Variants in RXRA observed in about 807,000 individuals in gnomAD.
RXRA encodes retinoic acid receptor RXR-alpha.
Under a neutral mutation model 44.5 loss-of-function variants are expected in RXRA, and 5 were observed. The observed-to-expected ratio is 0.11, with a 90% CI of 0.06 to 0.24. RXRA has a LOEUF of 0.24. Ranked by LOEUF, RXRA falls within the 10% of genes least tolerant of loss-of-function variation. RXRA has a pLI of 1.00. For synonymous variants in RXRA, 291 were observed against 271.4 expected (o/e 1.07, Z -0.71); for missense variants, 412 against 646.5 (o/e 0.64, Z 3.93).
rs1470882965 is a variant in RXRA at position 134,366,238 on chromosome 9, A to G, written c.29-35394A>G. The stretch of plus-strand genomic sequence containing the variant: ...GTGTGGGGCCAGGGAGGGTGTCTTC[A>G]GCACAGGTGCCCGCTGGGTGGTCTC... On this transcript the variant is annotated intron_variant, in intron 1 of 9. Coordinates refer to ENST00000481739, the MANE Select transcript of RXRA (RefSeq NM_002957.6). The surrounding 1 kb of genome is among the most constrained non-coding windows in gnomAD (Gnocchi z 5.9). Among the ~76,000 whole-genome samples, 1 of 152,076 alleles carries G rather than the reference A, an allele frequency of 6.6e-6. No homozygotes were observed. Among genetic ancestry groups the G allele is most frequent in the Admixed American group, 6.6e-5 (1 of 15,264 alleles).
chr9:134,364,214 G>A (rs1018339106), intron 1 of RXRA, among the ~76,000 whole-genome samples: 3 of 152,246 alleles, frequency 2.0e-5, no homozygotes, highest in African/African-American at 7.2e-5. Flanking sequence ...TCACGTGTAA[G>A]GTCCAGGCAT....
At chr9:134,344,526 T>C (rs2119032973) in intron 1 of RXRA, among the ~76,000 whole-genome samples, 1 of 152,234 alleles carries the variant, frequency 6.6e-6, no homozygotes, top group Admixed American at 6.5e-5. Flanking sequence ...GTGGAGTCCT[T>C]GGTTCCTTTC....
chr9:134,432,037 G>GCCCCACCAGAGAAC, intron 8 of RXRA, 41 bp downstream of exon 8: 1 of 1,533,226 alleles, frequency 6.5e-7, no homozygotes, highest in Non-Finnish European at 9.0e-7. Context: ...CCCGTTCTCT[G>GCCCCACCAGAGAAC]GTGGGGCAGA....
chr9:134,420,146 G>A (rs1230136808), intron 5 of RXRA, among the ~76,000 whole-genome samples: 7 of 152,326 alleles, frequency 4.6e-5, no homozygotes, highest in South Asian at 4.1e-4. Flanking sequence ...CTGCAGACAC[G>A]GTGCTCGGGG....
intron 1 of RXRA, among the ~76,000 whole-genome samples, chr9:134,394,219 TGATCATAGTGATGGTGGTGGTGATGAC>T: frequency 2.1e-5 from 3 of 145,088 alleles, no homozygotes; most frequent in Non-Finnish European, 3.0e-5. Context: ...TGAGTGATGG[TGATCATAGTGATGGTGGTGGTGATGAC>T]GGTGGTGATG....
At chr9:134,346,073 A>G (rs1243459378) in intron 1 of RXRA, among the ~76,000 whole-genome samples, 4 of 152,120 alleles carry the variant, frequency 2.6e-5, no homozygotes, top group Non-Finnish European at 4.4e-5. Context: ...CAGGCGGGGT[A>G]TGGCTGACAG....
intron 1 of RXRA, among the ~76,000 whole-genome samples, chr9:134,391,402 G>A (rs1052708083): frequency 3.3e-5 from 5 of 152,190 alleles, no homozygotes; most frequent in Admixed American, 6.5e-5. Flanking sequence ...CTGAGCCACC[G>A]AGAGCAACAT....
chr9:134,355,751 C>T (rs1830275570), intron 1 of RXRA, among the ~76,000 whole-genome samples: 1 of 152,204 alleles, frequency 6.6e-6, no homozygotes, highest in African/African-American at 2.4e-5. Context: ...GCAGCCTTGC[C>T]ACACGTTGGA....
intron 1 of RXRA, among the ~76,000 whole-genome samples, chr9:134,386,209 C>T (rs1830717393): frequency 6.6e-6 from 1 of 152,240 alleles, no homozygotes; most frequent in Non-Finnish European, 1.5e-5. Flanking sequence ...CCCTTCCTGC[C>T]CGCTCAGCCG....
In RXRA at chr9:134,424,809, G is replaced by A. The variant is rs75185146; in HGVS notation, c.910+3004G>A. 3,214 of 985,478 alleles carry A rather than the reference G, an allele frequency of 3.3e-3. 7 individuals carry two copies. The highest frequency in any genetic ancestry group is 3.7e-3 in the Non-Finnish European group (3,049 of 829,942). The allele number at this position is 985,478 out of a possible 1,614,324, so 61.0% of individuals were successfully genotyped here. On this transcript the variant is annotated intron_variant, in intron 6 of 9. Coordinates refer to ENST00000481739, the MANE Select transcript of RXRA (RefSeq NM_002957.6). ...TCCCCCTCCAGGGGGCTCAGGTCAGGATCCATGGCTGTAGCCTGACTGGGG... is the reference window on the plus strand; with the variant it reads ...TCCCCCTCCAGGGGGCTCAGGTCAGAATCCATGGCTGTAGCCTGACTGGGG...
chr9:134,376,379 T>G (rs1287798662), intron 1 of RXRA, among the ~76,000 whole-genome samples: 2 of 152,214 alleles, frequency 1.3e-5, no homozygotes, highest in Non-Finnish European at 2.9e-5. Flanking sequence ...TCCACACTGC[T>G]CCCGTCTATG....
In RXRA at chr9:134,433,959, G is replaced by A. The variant is rs1252102206; in HGVS notation, c.1136-143G>A. On this transcript the variant is annotated intron_variant, in intron 8 of 9. Coordinates refer to ENST00000481739, the MANE Select transcript of RXRA (RefSeq NM_002957.6). The surrounding 1 kb of genome is among the most constrained non-coding windows in gnomAD (Gnocchi z 4.2). ...ACCAGGCTCTGGGGGAGCGGGCGGAGGCATGTCCAGCGGCATTCCTCCACC... is the reference window on the plus strand; with the variant it reads ...ACCAGGCTCTGGGGGAGCGGGCGGAAGCATGTCCAGCGGCATTCCTCCACC... 4.9e-6 allele frequency: 3 copies of A among 615,052 alleles called. No homozygotes were observed. The East Asian group carries it at 8.5e-5, about 17-fold the overall frequency. 38.1% of individuals were successfully genotyped at this position (615,052 alleles called of 1,614,324 possible).
Position 134,350,015 on chromosome 9 carries a change from A to G in RXRA, c.28+23356A>G, listed in dbSNP as rs782133923. ...GGACCCCTGATTCATGCCTCTTTCCAGAGCACTTGCTGGCCTATGGTCAGG... is the reference window on the plus strand; with the variant it reads ...GGACCCCTGATTCATGCCTCTTTCCGGAGCACTTGCTGGCCTATGGTCAGG... On this transcript the variant is annotated intron_variant, in intron 1 of 9. Transcript: ENST00000481739. Among the ~76,000 whole-genome samples, 4 of 151,576 alleles carry G rather than the reference A, an allele frequency of 2.6e-5. 1 individual carries two copies. The highest frequency in any genetic ancestry group is 2.1e-4 in the South Asian group (1 of 4,808).
chr9:134,419,569 C>T (rs889286495), intron 5 of RXRA, among the ~76,000 whole-genome samples: 4 of 152,158 alleles, frequency 2.6e-5, no homozygotes, highest in Non-Finnish European at 4.4e-5. Flanking sequence ...AGAGAGGGGG[C>T]GACCTGCCCA....
chr9:134,382,131 G>T (rs1205254212), intron 1 of RXRA, among the ~76,000 whole-genome samples: 1 of 151,966 alleles, frequency 6.6e-6, no homozygotes, highest in Non-Finnish European at 1.5e-5. Context: ...GATGTGGGGG[G>T]GCGCAGGGCA....
rs1831442394 is a variant in RXRA at position 134,426,854 on chromosome 9, C to T, written c.911-2254C>T. On this transcript the variant is annotated intron_variant, in intron 6 of 9. Transcript: ENST00000481739. The surrounding 1 kb of genome is among the most constrained non-coding windows in gnomAD (Gnocchi z 4.6). ...GATCTTGTCCTCGGCCCCCTGGGTC[C>T]CTGCCCTTGGCCACAGGAAGTCTGT... 1 of 985,246 alleles carries T rather than the reference C, an allele frequency of 1.0e-6. No individual in the cohort carries two copies. The allele number at this position is 985,246 out of a possible 1,614,324, so 61.0% of individuals were successfully genotyped here.
intron 4 of RXRA, 136 bp downstream of exon 4, chr9:134,409,255 T>C: frequency 1.1e-6 from 1 of 904,278 alleles, no homozygotes; most frequent in Non-Finnish European, 1.6e-6. Context: ...AAGGCAGGAG[T>C]GGGGGCGGGG....
chr9:134,417,160 G>T lies in RXRA; in HGVS notation c.613G>T (p.Val205Leu). The change falls in exon 5 of 10, where the codon GTG becomes TTG. Residue 205 changes from valine (V) to leucine (L), a missense_variant and splice_region_variant. By Grantham distance (32) the Val-to-Leu change is conservative. This residue lies in a region of RXRA where 48 missense variants were observed against 119.9 expected (regional missense o/e 0.40). Transcript: ENST00000481739. The surrounding 1 kb of genome is among the most constrained non-coding windows in gnomAD (Gnocchi z 6.1). ...CACCTGCGCCTCCCGGGTTGTAGCC[G>T]TGCAGGAGGAGCGGCAGCGTGGCAA... ...CLAMGMKREA[V>L]QEERQRGKDR... The T allele has an allele frequency of 6.2e-7, 1 of 1,610,836 alleles. No individual in the cohort carries two copies. The highest frequency in any genetic ancestry group is 8.5e-7 in the Non-Finnish European group (1 of 1,179,648).
intron 9 of RXRA, among the ~76,000 whole-genome samples, chr9:134,434,636 G>A (rs953933251): frequency 1.3e-5 from 2 of 152,240 alleles, no homozygotes; most frequent in Admixed American, 1.3e-4. Context: ...CGGAATAGGC[G>A]GTCACGGCCT....
Sources: allele counts gnomAD v4.1 joint callset (sites outside exome capture counted in the v4.1 genomes callset), GRCh38; gene constraint gnomAD v4.1.1; regional missense constraint gnomAD v4.1.1; non-coding constraint Gnocchi (gnomAD v3.1); transcripts MANE v1.5; gene names NCBI Gene and HGNC (gene_info 2026-07-23, HGNC 2026-07-21).